The following ROR2 variants were observed in gnomAD, a reference collection of about 807,000 sequenced individuals.
ROR2 encodes tyrosine-protein kinase transmembrane receptor ROR2.
ROR2 carries 33 observed loss-of-function variants against 74.9 expected under a neutral mutation model. The ratio of observed to expected loss-of-function variants is 0.44; its 90% CI spans 0.33 to 0.59. ROR2 has a LOEUF of 0.59. Ranked by LOEUF, ROR2 falls within the 20% of genes least tolerant of loss-of-function variation. ROR2 has a pLI of 0.02. For missense variants in ROR2, 1,216 were observed against 1,313.8 expected (o/e 0.93, Z 1.15); for synonymous variants, 586 against 558.7 (o/e 1.05, Z -0.69).
chr9:91,730,945 T>A lies in ROR2; in HGVS notation c.1148A>T (p.Asn383Ile). Residue 383 changes from asparagine to isoleucine, a missense_variant, in exon 7 of 9, where the codon AAC becomes ATC. Transcript: ENST00000375708. ...TACGTCACACAGTTCCATGCGTACG[T>A]TTTTATTCTGCGTAAAGCACCAGGG... ...EGPWCFTQNK[N>I]VRMELCDVPS... The A allele has an allele frequency of 6.2e-7, 1 of 1,614,112 alleles. No homozygotes were observed. The highest frequency in any genetic ancestry group is 8.5e-7 in the Non-Finnish European group (1 of 1,180,010).
chr9:91,742,875 T>C (rs1311756705), intron 4 of ROR2, among the ~76,000 whole-genome samples: 1 of 152,218 alleles, frequency 6.6e-6, no homozygotes, highest in East Asian at 1.9e-4. Context: ...AAGTGTACCA[T>C]TTCTTAATTT....
At chr9:91,828,687 C>T (rs536763190) in intron 1 of ROR2, among the ~76,000 whole-genome samples, 2 of 152,270 alleles carry the variant, frequency 1.3e-5, no homozygotes, top group South Asian at 4.2e-4. Context: ...GCACTCCAGC[C>T]TGAGTAACAG....
At chr9:91,919,306 A>C (rs7866188) in intron 1 of ROR2, among the ~76,000 whole-genome samples, 7,719 of 152,312 alleles carry the variant, frequency 0.051, 260 homozygotes, top group African/African-American at 0.082. Flanking sequence ...CAAACGTAAA[A>C]TATGGTATGC....
chr9:91,827,052 T>C (rs1828316831), intron 1 of ROR2, among the ~76,000 whole-genome samples: 2 of 152,182 alleles, frequency 1.3e-5, no homozygotes, highest in South Asian at 4.1e-4. Flanking sequence ...CCTAACTATA[T>C]ACGCACTCTA....
chr9:91,838,329 C>G (rs1828675500), intron 1 of ROR2, among the ~76,000 whole-genome samples: 1 of 152,212 alleles, frequency 6.6e-6, no homozygotes, highest in African/African-American at 2.4e-5. Flanking sequence ...GCCCCGAGAG[C>G]TGGGACCAGG....
At chr9:91,778,829 G>A (rs1406350605) in intron 1 of ROR2, among the ~76,000 whole-genome samples, 1 of 152,112 alleles carries the variant, frequency 6.6e-6, no homozygotes, top group East Asian at 1.9e-4. Flanking sequence ...GAAGCCAGAG[G>A]GAAACTCAAC....
intron 1 of ROR2, among the ~76,000 whole-genome samples, chr9:91,920,001 G>C (rs1487982550): frequency 1.3e-5 from 2 of 152,174 alleles, no homozygotes; most frequent in Non-Finnish European, 2.9e-5. Context: ...AGGCTCCCTT[G>C]ACCCCCTCAG....
intron 1 of ROR2, among the ~76,000 whole-genome samples, chr9:91,796,036 T>C (rs1049542242): frequency 2.0e-5 from 3 of 151,680 alleles, no homozygotes; most frequent in Admixed American, 6.6e-5. Context: ...GCTGGAGGAG[T>C]TGGCGCCTGA....
chr9:91,779,195 G>A (rs1168681490), intron 1 of ROR2, among the ~76,000 whole-genome samples: 1 of 151,634 alleles, frequency 6.6e-6, no homozygotes, highest in African/African-American at 2.4e-5. Context: ...CTGGGTGTGG[G>A]GTGTGTGGGG....
At position 91,724,677 on chromosome 9, in the gene ROR2, A is replaced by G. The variant is rs1355134782; in HGVS notation, c.1817T>C (p.Leu606Pro). 1 of 1,614,060 alleles carries G rather than the reference A, an allele frequency of 6.2e-7. No homozygotes were observed. The highest frequency in any genetic ancestry group is 8.5e-7 in the Non-Finnish European group (1 of 1,180,038). Residue 606 changes from leucine (L) to proline (P), a missense_variant, in exon 9 of 9, where the codon CTA becomes CCA. Coordinates refer to ENST00000375708, the MANE Select transcript of ROR2 (RefSeq NM_004560.4). ...VAQIAAGMEY[L>P]SSHHVVHKDL... ...CTTGTGAACCACGTGGTGGCTGGAT[A>G]GGTACTCCATCCCCGCCGCGATCTG...
At position 91,733,510 on chromosome 9, in the gene ROR2, C is replaced by A; in HGVS notation, c.623-74G>T. The stretch of plus-strand genomic sequence containing the variant: ...TTGACATTCATCCAGTCCCCACCCC[C>A]AGCCTGGCATCCCAGACTGCCCACT... On this transcript the variant is annotated intron_variant, in intron 5 of 8. Coordinates refer to ENST00000375708, the MANE Select transcript of ROR2 (RefSeq NM_004560.4). This position sits in a 1 kb window ranked among gnomAD's most constrained non-coding sequence, Gnocchi z 5.7. The A allele has an allele frequency of 6.7e-7, 1 of 1,482,422 alleles. No individual in the cohort carries two copies. The highest frequency in any genetic ancestry group is 1.3e-5 in the South Asian group (1 of 79,386). 91.8% of individuals were successfully genotyped at this position (1,482,422 alleles called of 1,614,324 possible). A position where few individuals can be genotyped will look rare whatever the true frequency, so the allele number is the denominator to read the frequency against.
chr9:91,905,166 C>T lies in ROR2; in HGVS notation c.97+44701G>A, dbSNP rs532277745. ...CAAATATCACACATGCAAGACACAC[C>T]ACACAACACATACCATACACAACAC... On this transcript the variant is annotated intron_variant, in intron 1 of 8. Transcript: ENST00000375708. This position sits in a 1 kb window ranked among gnomAD's most constrained non-coding sequence, Gnocchi z 5.3. 1.5e-4 allele frequency among the ~76,000 whole-genome samples: 12 copies of T among 82,272 alleles called. No homozygotes were observed. The highest frequency in any genetic ancestry group is 5.2e-4 in the African/African-American group (12 of 23,052). 54.0% of individuals were successfully genotyped at this position (82,272 alleles called of 152,430 possible).
At chr9:91,892,739 A>G (rs7047587) in intron 1 of ROR2, among the ~76,000 whole-genome samples, 87,359 of 151,286 alleles carry the variant, frequency 0.58, 27,831 homozygotes, top group African/African-American at 0.86. Context: ...ACAGGTGCCC[A>G]CCACCACACC....
chr9:91,913,964 T>C (rs1831058984), intron 1 of ROR2, among the ~76,000 whole-genome samples: 2 of 152,142 alleles, frequency 1.3e-5, no homozygotes, highest in African/African-American at 4.8e-5. Context: ...GTCAATTGCA[T>C]GAATATTAAC....
At chr9:91,762,090 T>C (rs1375417871) in intron 2 of ROR2, among the ~76,000 whole-genome samples, 1 of 152,130 alleles carries the variant, frequency 6.6e-6, no homozygotes, top group East Asian at 1.9e-4. Context: ...GGTGTTTCAG[T>C]AACATTAGGG....
chr9:91,844,821 T>C (rs1336764913), intron 1 of ROR2, among the ~76,000 whole-genome samples: 1 of 152,076 alleles, frequency 6.6e-6, no homozygotes, highest in Non-Finnish European at 1.5e-5. Flanking sequence ...TCCCCCACGG[T>C]ATACAGAATA....
chr9:91,867,186 G>C (rs1431683433), intron 1 of ROR2, among the ~76,000 whole-genome samples: 1 of 152,230 alleles, frequency 6.6e-6, no homozygotes, highest in Non-Finnish European at 1.5e-5. Context: ...GCACAGAAGA[G>C]AGCTTCCAGA....
chr9:91,749,832 T>G (rs781729669), intron 4 of ROR2, among the ~76,000 whole-genome samples: 3 of 152,212 alleles, frequency 2.0e-5, no homozygotes, highest in Non-Finnish European at 2.9e-5. Context: ...AAATTCTAGA[T>G]GGAGTAATAA....
chr9:91,742,269 C>T (rs1825279292), intron 4 of ROR2, among the ~76,000 whole-genome samples: 1 of 152,170 alleles, frequency 6.6e-6, no homozygotes, highest in Non-Finnish European at 1.5e-5. Context: ...GATTCAATTA[C>T]CTCCCCCTGG....
Sources: gnomAD v4.1 joint callset for allele counts (sites outside exome capture counted in the v4.1 genomes callset) on GRCh38, gnomAD v4.1.1 for gene constraint, Gnocchi (gnomAD v3.1) non-coding constraint, MANE v1.5 for transcripts, NCBI Gene and HGNC (gene_info 2026-07-23, HGNC 2026-07-21) for gene names.